Variants in KNDC1 observed in about 807,000 individuals in gnomAD.
KNDC1 encodes the protein kinase non-catalytic C-lobe domain-containing protein 1.
KNDC1 carries 106 observed loss-of-function variants against 172.8 expected under a neutral mutation model. The observed-to-expected ratio is 0.61, with a 90% CI of 0.52 to 0.72. The LOEUF (loss-of-function observed/expected upper bound fraction) is 0.72, where lower values mean the gene tolerates loss of function less well. Ranked by LOEUF, KNDC1 falls within the 30% of genes least tolerant of loss-of-function variation. The pLI is 0.00. For synonymous variants in KNDC1, 1,083 were observed against 1,062.2 expected (o/e 1.02, Z -0.38); for missense variants, 2,325 against 2,394.5 (o/e 0.97, Z 0.61).
intron 5 of KNDC1, among the ~76,000 whole-genome samples, chr10:133,185,017 C>T (rs891858851): frequency 3.3e-5 from 5 of 152,290 alleles, no homozygotes; most frequent in South Asian, 2.1e-4. Context: ...GCATTGGCAT[C>T]GCTACCTGCA....
rs1232665841 is a variant in KNDC1, at chr10:133,186,323, C to T, written c.975C>T (p.Thr325=). The stretch of plus-strand genomic sequence containing the variant: ...AGGCCACCCTCTGCCTGCCGCTGAC[C>T]CGCGGGAAAAGCCAGCTGCCCATAT... The part of the protein sequence containing the change: ...SPEATLCLPL[T]RGKSQLPISE... Residue 325 remains threonine, a synonymous_variant, in exon 6 of 30, where the codon ACC becomes ACT. Transcript: ENST00000304613. 3 of 1,612,488 alleles carry T rather than the reference C, an allele frequency of 1.9e-6. No homozygotes were observed. The South Asian group carries it at 3.3e-5, about 18-fold the overall frequency.
intron 6 of KNDC1, 35 bp downstream of exon 6, chr10:133,186,709 T>TCGG (rs1287819432): frequency 2.0e-6 from 3 of 1,495,928 alleles, no homozygotes; most frequent in Admixed American, 4.3e-5. Context: ...GGTGGAGGGG[T>TCGG]CGGCGGTCAG....
At chr10:133,169,284 A>G (rs1365660383) in intron 3 of KNDC1, among the ~76,000 whole-genome samples, 5 of 151,988 alleles carry the variant, frequency 3.3e-5, no homozygotes, top group African/African-American at 9.7e-5. Flanking sequence ...AACATGGCGA[A>G]CCCCGTCTCT....
chr10:133,188,791 T>A lies in KNDC1; in HGVS notation c.1441+138T>A, dbSNP rs1254123786. 5.7e-5 allele frequency: 31 copies of A among 544,600 alleles called. 1 individual carries two copies. Among genetic ancestry groups the A allele is most frequent in the African/African-American group, 4.7e-4 (23 of 48,822 alleles). The allele number at this position is 544,600 out of a possible 1,614,324, so 33.7% of individuals were successfully genotyped here. On this transcript the variant is annotated intron_variant, in intron 7 of 29. Transcript: ENST00000304613. ...CCCCACTGTCCCATCACCCCTGCCG[T>A]CCCATGCGTAACTGGCCCCCACCTG... is the stretch of plus-strand genomic sequence containing the variant.
intron 3 of KNDC1, among the ~76,000 whole-genome samples, chr10:133,176,984 C>A (rs1476826883): frequency 1.3e-5 from 2 of 152,236 alleles, no homozygotes; most frequent in Non-Finnish European, 2.9e-5. Context: ...CAGATGCAGC[C>A]TCTGCCATCT....
chr10:133,188,688 CCCACCCCCCACTGCTGTT>C (rs1297304672), intron 7 of KNDC1, 35 bp downstream of exon 7: 7 of 1,075,960 alleles, frequency 6.5e-6, no homozygotes, highest in Admixed American at 2.4e-5. Flanking sequence ...CCCCGCCGTC[CCCACCCCCCACTGCTGTT>C]CCACCCCCCA....
rs1454758171 is a variant in KNDC1 at position 133,185,443 on chromosome 10, GAATAGGC to G, written c.626-529_626-523del. Among the ~76,000 whole-genome samples, 65 of 142,000 alleles carry G rather than the reference GAATAGGC, an allele frequency of 4.6e-4. 1 individual carries two copies. The highest frequency in any genetic ancestry group is 3.7e-3 in the Middle Eastern group (1 of 268). The allele number at this position is 142,000 out of a possible 152,430, so 93.2% of individuals were successfully genotyped here. A position where few individuals can be genotyped will look rare whatever the true frequency, so the allele number is the denominator to read the frequency against. Reference sequence around the variant, plus strand: ...TGGAGTAGGCAGTGTGTGCAGTGTGGAATAGGCAGTGTGTGCAGTGTAGAGTAGGCAG... The same window carrying G: ...TGGAGTAGGCAGTGTGTGCAGTGTGGAGTGTGTGCAGTGTAGAGTAGGCAG... On this transcript the variant is annotated intron_variant, in intron 5 of 29. Transcript: ENST00000304613.
chr10:133,211,927 G>C (rs1845375735), intron 23 of KNDC1, 69 bp downstream of exon 23: 1 of 1,475,908 alleles, frequency 6.8e-7, no homozygotes, highest in African/African-American at 1.4e-5. Context: ...CAGCCTCAAA[G>C]ACACAACTGG....
chr10:133,170,272 C>T (rs1360803984), intron 3 of KNDC1, among the ~76,000 whole-genome samples: 3 of 152,168 alleles, frequency 2.0e-5, no homozygotes. Context: ...TACATCTGTT[C>T]CTGGAACTCC....
Position 133,206,738 on chromosome 10 carries a change from G to A in KNDC1, c.3441G>A (p.Lys1147=). 6.2e-7 allele frequency: 1 copy of A among 1,614,134 alleles called. No homozygotes were observed. The highest frequency in any genetic ancestry group is 8.5e-7 in the Non-Finnish European group (1 of 1,180,042). ...MEKRNYRKTL[K]FYQKLLQKEK... ...AAAGAAACTACCGCAAGACCCTGAA[G>A]TTCTACCAGAAACTCTTACAGAAGG... The change falls in exon 18 of 30, where the codon AAG becomes AAA. Residue 1147 remains lysine, a synonymous_variant. Transcript: ENST00000304613.
At chr10:133,197,811 C>G in intron 12 of KNDC1, 43 bp downstream of exon 12, 5 of 1,376,400 alleles carry the variant, frequency 3.6e-6, no homozygotes, top group Non-Finnish European at 5.1e-6. Context: ...AGCTCCTGCA[C>G]CTGACACCAC....
At chr10:133,191,415 C>T (rs569721977) in intron 9 of KNDC1, among the ~76,000 whole-genome samples, 5 of 148,454 alleles carry the variant, frequency 3.4e-5, no homozygotes, top group Non-Finnish European at 7.5e-5. Context: ...AATACCCCAA[C>T]AGGGCCGGGT....
At chr10:133,164,681 G>A (rs1853090829) in intron 1 of KNDC1, among the ~76,000 whole-genome samples, 1 of 152,198 alleles carries the variant, frequency 6.6e-6, no homozygotes, top group Non-Finnish European at 1.5e-5. Context: ...GAACCTACCT[G>A]GTAGCAAGGC....
chr10:133,218,363 G>A (rs1281705233), intron 26 of KNDC1, among the ~76,000 whole-genome samples: 1 of 152,210 alleles, frequency 6.6e-6, no homozygotes, highest in East Asian at 1.9e-4. Flanking sequence ...GGAGGGGGCG[G>A]CACTCAGGCA....
chr10:133,183,742 AAGGCAGGCGC>A, intron 4 of KNDC1, 120 bp from the exon 5 acceptor site: 1 of 839,782 alleles, frequency 1.2e-6, no homozygotes, highest in African/African-American at 1.7e-5. Flanking sequence ...GAAAATGGGC[AAGGCAGGCGC>A]AGGCAGGCTC....
chr10:133,168,449 G>A (rs1030845666), intron 3 of KNDC1, 137 bp downstream of exon 3: 23 of 854,188 alleles, frequency 2.7e-5, no homozygotes, highest in Non-Finnish European at 3.5e-5. Flanking sequence ...GCTGCTGCCC[G>A]GTTCACTGGG....
intron 3 of KNDC1, among the ~76,000 whole-genome samples, chr10:133,178,201 A>G (rs7078300): frequency 0.42 from 62,763 of 149,716 alleles, 14,810 homozygotes; most frequent in South Asian, 0.67. Context: ...GCAGTGTGGC[A>G]TGTGTATGTA....
At chr10:133,221,836 G>GGC in intron 29 of KNDC1, among the ~76,000 whole-genome samples, 2 of 115,056 alleles carry the variant, frequency 1.7e-5, no homozygotes, top group African/African-American at 5.9e-5. Context: ...TAGGTAGGCC[G>GGC]GGCTGGGTGC....
chr10:133,198,965 C>G lies in KNDC1; in HGVS notation c.2457C>G (p.Thr819=), dbSNP rs992148851. ...TCAGGCCCGACGCCCTGGGGCCCAC[C>G]ACGGCCCACCACGGCCCACGCCACC... ...GGLRPDALGP[T]TAHHGPRHPP... The change falls in exon 14 of 30, where the codon ACC becomes ACG. Residue 819 remains threonine, a synonymous_variant. Coordinates refer to ENST00000304613, the MANE Select transcript of KNDC1 (RefSeq NM_152643.8). 9 of 1,538,298 alleles carry G rather than the reference C, an allele frequency of 5.9e-6. No individual in the cohort carries two copies. Among genetic ancestry groups the G allele is most frequent in the Admixed American group, 4.0e-5 (2 of 50,238 alleles).
Sources: allele counts gnomAD v4.1 joint callset (sites outside exome capture counted in the v4.1 genomes callset), GRCh38; gene constraint gnomAD v4.1.1; transcripts MANE v1.5; gene names NCBI Gene and HGNC (gene_info 2026-07-23, HGNC 2026-07-21).